The following GRB2 variants were observed in gnomAD, a reference collection of about 807,000 sequenced individuals.
The protein encoded by GRB2 is growth factor receptor bound protein 2, also known as growth factor receptor-bound protein 2.
In GRB2, 2 loss-of-function variants were observed where a neutral mutation model predicts 27.4. That is an observed-to-expected ratio of 0.07 (90% CI 0.03 to 0.23). GRB2 has a LOEUF of 0.23. Ranked by LOEUF, GRB2 falls within the 10% of genes least tolerant of loss-of-function variation. GRB2 has a pLI of 1.00. For synonymous variants in GRB2, 94 were observed against 99.6 expected, an observed-to-expected ratio of 0.94 and a Z score of 0.33; for missense variants, 102 against 282.4, an observed-to-expected ratio of 0.36 and a Z score of 4.58.
chr17:75,345,093 G>C (rs2078646519), intron 2 of GRB2, among the ~76,000 whole-genome samples: 1 of 151,888 alleles, frequency 6.6e-6, no homozygotes, highest in Non-Finnish European at 1.5e-5. Context: ...CCCCAGGCTG[G>C]AGTGCAGTGG....
intron 2 of GRB2, among the ~76,000 whole-genome samples, chr17:75,392,697 C>T (rs561307708): frequency 3.5e-4 from 54 of 152,300 alleles, no homozygotes; most frequent in African/African-American, 1.1e-3. Flanking sequence ...TCAGCCTTTC[C>T]TCCTTTAAAG....
chr17:75,383,282 T>C (rs1422298518), intron 2 of GRB2, among the ~76,000 whole-genome samples: 1 of 152,182 alleles, frequency 6.6e-6, no homozygotes, highest in African/African-American at 2.4e-5. Flanking sequence ...GGTATCCATC[T>C]ATTTGCTATA....
At chr17:75,392,016 T>C (rs1280506388) in intron 2 of GRB2, among the ~76,000 whole-genome samples, 1 of 152,182 alleles carries the variant, frequency 6.6e-6, no homozygotes, top group Non-Finnish European at 1.5e-5. Flanking sequence ...AAAGGGCTTT[T>C]GTACAGGCTA....
chr17:75,392,889 T>G (rs1196573290), intron 2 of GRB2, among the ~76,000 whole-genome samples: 1 of 152,230 alleles, frequency 6.6e-6, no homozygotes, highest in African/African-American at 2.4e-5. Flanking sequence ...TTTTAAACTG[T>G]CAGCAGGTTT....
At chr17:75,379,400 T>TAAA (rs373865766) in intron 2 of GRB2, among the ~76,000 whole-genome samples, 43 of 73,734 alleles carry the variant, frequency 5.8e-4, no homozygotes, top group South Asian at 4.8e-4. Context: ...CTTGATTTCT[T>TAAA]AAAAAAAAAA....
At chr17:75,378,784 G>A (rs137905917) in intron 2 of GRB2, among the ~76,000 whole-genome samples, 1 of 152,238 alleles carries the variant, frequency 6.6e-6, no homozygotes, top group East Asian at 1.9e-4. Flanking sequence ...ATTAATTAAG[G>A]GAAGGCTTGT....
chr17:75,320,948 C>G lies in GRB2; in HGVS notation c.469-395G>C, dbSNP rs1391658706. ...TATTAAAGCCTAAAGTTCTGGAGCT[C>G]GAATAACATAAGGGGCTCTAACCGT... On this transcript the variant is annotated intron_variant, in intron 5 of 5. Transcript: ENST00000316804. The surrounding 1 kb of genome is among the most constrained non-coding windows in gnomAD (Gnocchi z 4.3). 6.6e-6 allele frequency among the ~76,000 whole-genome samples: 1 copy of G among 152,038 alleles called. No individual in the cohort carries two copies. Among genetic ancestry groups the G allele is most frequent in the Non-Finnish European group, 1.5e-5 (1 of 68,024 alleles).
intron 1 of GRB2, chr17:75,393,972 T>C (rs915724621): frequency 2.6e-6 from 1 of 387,874 alleles, no homozygotes; most frequent in Non-Finnish European, 4.7e-6. Context: ...TGCCGGCCAA[T>C]GGCACAGCTG....
At chr17:75,370,391 G>T (rs559048439) in intron 2 of GRB2, among the ~76,000 whole-genome samples, 2 of 152,192 alleles carry the variant, frequency 1.3e-5, no homozygotes, top group Non-Finnish European at 2.9e-5. Flanking sequence ...GAGAGAATTT[G>T]TACCACTTGT....
intron 2 of GRB2, among the ~76,000 whole-genome samples, chr17:75,337,802 G>A (rs1474188799): frequency 6.7e-6 from 1 of 150,174 alleles, no homozygotes; most frequent in Admixed American, 6.6e-5. Flanking sequence ...ATCTGACCTC[G>A]TGATCCGCCT....
At chr17:75,329,907 C>A (rs1171500678) in intron 3 of GRB2, among the ~76,000 whole-genome samples, 3 of 152,152 alleles carry the variant, frequency 2.0e-5, no homozygotes, top group Non-Finnish European at 4.4e-5. Context: ...CATTTTATAT[C>A]ATTTATAAAT....
chr17:75,367,305 A>G, intron 2 of GRB2, among the ~76,000 whole-genome samples: 1 of 151,556 alleles, frequency 6.6e-6, no homozygotes, highest in Non-Finnish European at 1.5e-5. Context: ...GGAGTAGTTG[A>G]GACTACAGGT....
chr17:75,396,781 G>A (rs1044631626), intron 1 of GRB2, among the ~76,000 whole-genome samples: 5 of 152,114 alleles, frequency 3.3e-5, no homozygotes, highest in Admixed American at 6.6e-5. Flanking sequence ...CTAATGCCGA[G>A]ACTATGTATT....
intron 2 of GRB2, among the ~76,000 whole-genome samples, chr17:75,370,519 G>A (rs1391162872): frequency 6.6e-6 from 1 of 152,184 alleles, no homozygotes; most frequent in African/African-American, 2.4e-5. Flanking sequence ...AGGTCAGAAC[G>A]CGTCCCTGGA....
intron 2 of GRB2, among the ~76,000 whole-genome samples, chr17:75,346,532 T>C (rs891867957): frequency 6.7e-6 from 1 of 148,864 alleles, no homozygotes; most frequent in Non-Finnish European, 1.5e-5. Flanking sequence ...TATGCTGGTA[T>C]CCTCCATCTG....
intron 2 of GRB2, among the ~76,000 whole-genome samples, chr17:75,386,002 C>T (rs190035313): frequency 7.2e-5 from 11 of 152,124 alleles, no homozygotes; most frequent in African/African-American, 2.4e-4. Context: ...CTCTAAAATG[C>T]ATCTTACAAT....
intron 1 of GRB2, among the ~76,000 whole-genome samples, chr17:75,400,319 G>T (rs112841286): frequency 0.021 from 3,267 of 152,246 alleles, 124 homozygotes; most frequent in African/African-American, 0.074. Context: ...GACTATAGGC[G>T]TGCACCACCA....
At position 75,348,870 on chromosome 17, in the gene GRB2, T is replaced by C. The variant is rs563516190; in HGVS notation, c.79-16073A>G. On this transcript the variant is annotated intron_variant, in intron 2 of 5. Coordinates refer to ENST00000316804, the MANE Select transcript of GRB2 (RefSeq NM_002086.5). ...TTTGTATTTTTTGTAGAGATGCGGT[T>C]TTCCCATGTTGTCCAGGCTGGTTTC... Among the ~76,000 whole-genome samples, 65 of 152,198 alleles carry C rather than the reference T, an allele frequency of 4.3e-4. 1 individual carries two copies. Among genetic ancestry groups the C allele is most frequent in the African/African-American group, 1.4e-3 (57 of 41,524 alleles).
chr17:75,337,332 A>T (rs934966673), intron 2 of GRB2, among the ~76,000 whole-genome samples: 1 of 152,088 alleles, frequency 6.6e-6, no homozygotes. Context: ...CTTAAAAATT[A>T]AGTTTTATTC....
Sources: allele counts gnomAD v4.1 joint callset (sites outside exome capture counted in the v4.1 genomes callset), GRCh38; gene constraint gnomAD v4.1.1; non-coding constraint Gnocchi (gnomAD v3.1); transcripts MANE v1.5; gene names NCBI Gene and HGNC (gene_info 2026-07-23, HGNC 2026-07-21).